Variants in KCNN2 observed in about 807,000 individuals in gnomAD.
KCNN2 encodes the protein small conductance calcium-activated potassium channel protein 2.
KCNN2 carries 24 observed loss-of-function variants against 55.5 expected under a neutral mutation model. That is an observed-to-expected ratio of 0.43 (90% CI 0.31 to 0.61). The LOEUF (loss-of-function observed/expected upper bound fraction) is 0.61, where lower values mean the gene tolerates loss of function less well. Ranked by LOEUF, KCNN2 falls within the 20% of genes least tolerant of loss-of-function variation. KCNN2 has a pLI of 0.08. For synonymous variants in KCNN2, 431 were observed against 336.1 expected (o/e 1.28, Z -3.09); for missense variants, 754 against 853.6 (o/e 0.88, Z 1.45).
chr5:114,414,394 T>G (rs1489048202), intron 3 of KCNN2, among the ~76,000 whole-genome samples: 1 of 152,172 alleles, frequency 6.6e-6, no homozygotes, highest in East Asian at 1.9e-4. Flanking sequence ...AAGCACCTAC[T>G]GTCTTTCAAG....
chr5:114,274,042 T>TCAGTTTTCTGCATATGG (rs1185007767), intron 2 of KCNN2, among the ~76,000 whole-genome samples: 7 of 152,206 alleles, frequency 4.6e-5, no homozygotes, highest in African/African-American at 7.2e-5. Flanking sequence ...GGGTCCAGTT[T>TCAGTTTTCTGCATATGG]CAGTTTTCTG....
At chr5:114,477,517 G>T (rs967051422) in intron 5 of KCNN2, among the ~76,000 whole-genome samples, 44 of 151,936 alleles carry the variant, frequency 2.9e-4, no homozygotes, top group African/African-American at 1.0e-3. Context: ...ATGGCCGACA[G>T]GTACATGTGT....
intron 3 of KCNN2, among the ~76,000 whole-genome samples, chr5:114,457,510 T>A (rs1331580259): frequency 6.6e-6 from 1 of 152,230 alleles, no homozygotes; most frequent in African/African-American, 2.4e-5. Context: ...TGACTGCACT[T>A]ACACACTTAG....
At chr5:114,420,966 C>T (rs1006978836) in intron 3 of KCNN2, among the ~76,000 whole-genome samples, 5 of 151,944 alleles carry the variant, frequency 3.3e-5, no homozygotes, top group African/African-American at 1.2e-4. Context: ...CCATATTTTT[C>T]ATATTTAAGA....
intron 2 of KCNN2, among the ~76,000 whole-genome samples, chr5:114,388,988 G>T (rs1426075587): frequency 6.6e-6 from 1 of 152,040 alleles, no homozygotes; most frequent in Non-Finnish European, 1.5e-5. Flanking sequence ...GTAATACAGT[G>T]ATGTTCTCTG....
intron 5 of KCNN2, among the ~76,000 whole-genome samples, chr5:114,481,378 G>A (rs552660381): frequency 1.3e-5 from 2 of 152,088 alleles, no homozygotes; most frequent in Non-Finnish European, 2.9e-5. Flanking sequence ...AACATTCCCT[G>A]CTCATAGATA....
intron 1 of KCNN2, among the ~76,000 whole-genome samples, chr5:114,123,489 C>T (rs140965715): frequency 3.5e-5 from 4 of 114,704 alleles, no homozygotes; most frequent in Non-Finnish European, 7.1e-5. Context: ...CAGCCTCCCG[C>T]GTAGCTGGGA....
intron 2 of KCNN2, among the ~76,000 whole-genome samples, chr5:114,245,509 A>G (rs980364440): frequency 5.3e-5 from 8 of 152,214 alleles, no homozygotes; most frequent in African/African-American, 1.9e-4. Context: ...CAGCATCTAT[A>G]TCAAAAGTAA....
At chr5:114,407,956 A>G (rs4705665) in intron 3 of KCNN2, among the ~76,000 whole-genome samples, 26,004 of 152,180 alleles carry the variant, frequency 0.17, 2,330 homozygotes, top group Middle Eastern at 0.22. Context: ...TGTTTCTACA[A>G]AGCAGAAGAG....
chr5:114,151,104 G>C (rs1288901466), intron 1 of KCNN2, among the ~76,000 whole-genome samples: 1 of 45,354 alleles, frequency 2.2e-5, no homozygotes, highest in African/African-American at 5.0e-5. Context: ...TTTTGTTTTT[G>C]AATTTTTTTT....
At chr5:114,177,862 G>T (rs1753166895) in intron 1 of KCNN2, among the ~76,000 whole-genome samples, 1 of 152,066 alleles carries the variant, frequency 6.6e-6, no homozygotes, top group African/African-American at 2.4e-5. Flanking sequence ...AAACCATTTT[G>T]ATCAATTAGA....
rs372565853 is a variant in KCNN2, at chr5:114,233,025, A to C, written c.-185+11460A>C. On this transcript the variant is annotated intron_variant, in intron 2 of 10. Coordinates refer to the KCNN2 transcript ENST00000512097. ...AAGCTCCGCCTCCCGGGTTCACGCCATTCTCCTGCCTCAGCCTCCCAAGTA... is the reference window on the plus strand; with the variant it reads ...AAGCTCCGCCTCCCGGGTTCACGCCCTTCTCCTGCCTCAGCCTCCCAAGTA... Among the ~76,000 whole-genome samples the C allele has an allele frequency of 1.1e-4, 14 of 125,500 alleles. No homozygotes were observed. In the East Asian group the frequency reaches 3.1e-3, roughly 28 times the overall value. 82.3% of individuals were successfully genotyped at this position (125,500 alleles called of 152,430 possible). A position where few individuals can be genotyped will look rare whatever the true frequency, so the allele number is the denominator to read the frequency against.
chr5:114,495,022 C>CT (rs1389642223), intron 7 of KCNN2, among the ~76,000 whole-genome samples: 2 of 152,134 alleles, frequency 1.3e-5, no homozygotes, highest in Non-Finnish European at 1.5e-5. Context: ...CTTTGCCAGC[C>CT]TTTTCCCTGT....
At chr5:114,163,201 G>A (rs1398988550) in intron 1 of KCNN2, among the ~76,000 whole-genome samples, 1 of 152,152 alleles carries the variant, frequency 6.6e-6, no homozygotes, top group African/African-American at 2.4e-5. Flanking sequence ...CTGAGATAAT[G>A]GGGTTTTCTA....
chr5:114,328,120 T>C lies in KCNN2; in HGVS notation c.-184-32825T>C, dbSNP rs562873120. Among the ~76,000 whole-genome samples, 3 of 152,346 alleles carry C rather than the reference T, an allele frequency of 2.0e-5. No individual in the cohort carries two copies. In the South Asian group the frequency reaches 6.2e-4, roughly 32 times the overall value. On this transcript the variant is annotated intron_variant, in intron 2 of 10. Coordinates refer to the KCNN2 transcript ENST00000512097. ...AACCTTTTATTCTACATCACTGTCA[T>C]GTAAAAGTCAATTTATGCGTGGGTG...
intron 1 of KCNN2, among the ~76,000 whole-genome samples, chr5:114,174,524 C>T (rs1753100433): frequency 1.3e-5 from 2 of 152,056 alleles, no homozygotes; most frequent in Non-Finnish European, 2.9e-5. Flanking sequence ...CTGACCTTTG[C>T]CTGAAATGGA....
intron 2 of KCNN2, among the ~76,000 whole-genome samples, chr5:114,326,418 C>T (rs1561572158): frequency 6.6e-6 from 1 of 152,116 alleles, no homozygotes; most frequent in South Asian, 2.1e-4. Context: ...AGTGATGGAG[C>T]TTCTGCTGGA....
intron 1 of KCNN2, among the ~76,000 whole-genome samples, chr5:114,183,650 A>G (rs1367422610): frequency 6.6e-6 from 1 of 151,560 alleles, no homozygotes; most frequent in African/African-American, 2.4e-5. Context: ...ATATACTCTT[A>G]TTATCTAGTT....
chr5:114,221,918 TG>T (rs1273571240), intron 2 of KCNN2, among the ~76,000 whole-genome samples: 3 of 152,226 alleles, frequency 2.0e-5, no homozygotes, highest in African/African-American at 7.2e-5. Flanking sequence ...AATTAATCTT[TG>T]TTCTGGAACA....
Sources: allele counts gnomAD v4.1 joint callset (sites outside exome capture counted in the v4.1 genomes callset), GRCh38; gene constraint gnomAD v4.1.1; transcripts MANE v1.5; gene names NCBI Gene and HGNC (gene_info 2026-07-23, HGNC 2026-07-21).